Variants in MPP7 observed in about 807,000 individuals in gnomAD.
MPP7 encodes MAGUK p55 subfamily member 7.
A neutral mutation model predicts 76.5 loss-of-function variants in MPP7; 60 were observed. That is an observed-to-expected ratio of 0.78 (90% CI 0.64 to 0.97). The LOEUF (loss-of-function observed/expected upper bound fraction) is 0.97. Ranked by LOEUF, MPP7 falls within the 50% of genes least tolerant of loss-of-function variation. The probability of loss-of-function intolerance (pLI) is 0.00; values close to 1 mark genes in which losing one functional copy is unlikely to be tolerated. For missense variants in MPP7, 641 were observed against 694.0 expected (o/e 0.92, Z 0.86); for synonymous variants, 237 against 244.5 (o/e 0.97, Z 0.29).
chr10:28,301,495 T>C (rs969621436), intron 1 of MPP7, among the ~76,000 whole-genome samples: 1 of 152,216 alleles, frequency 6.6e-6, no homozygotes, highest in Non-Finnish European at 1.5e-5. Flanking sequence ...ATTTCTTTAC[T>C]TGAAAATAAC....
In MPP7 at chr10:28,056,033, C is replaced by T. The variant is rs538743548; in HGVS notation, c.1551+447G>A. ...TGTATATATGTTTTCATATATACAACTGTATCTTACATCTTATCTACTGCT... is the reference window on the plus strand; with the variant it reads ...TGTATATATGTTTTCATATATACAATTGTATCTTACATCTTATCTACTGCT... On this transcript the variant is annotated intron_variant, in intron 16 of 16. Coordinates refer to ENST00000683449, the MANE Select transcript of MPP7 (RefSeq NM_001318170.2). Among the ~76,000 whole-genome samples the T allele has an allele frequency of 7.2e-5, 11 of 152,292 alleles. No individual in the cohort carries two copies. In the South Asian group the frequency reaches 2.1e-3, roughly 29 times the overall value.
chr10:28,309,418 A>G (rs1441202236), intron 2 of MPP7, among the ~76,000 whole-genome samples: 1 of 151,670 alleles, frequency 6.6e-6, no homozygotes, highest in Non-Finnish European at 1.5e-5. Flanking sequence ...CATCTCAAAA[A>G]AAAAAAAAAA....
At chr10:28,058,764 T>A (rs1020220394) in intron 14 of MPP7, among the ~76,000 whole-genome samples, 161 bp from the exon 15 acceptor site, 13 of 152,234 alleles carry the variant, frequency 8.5e-5, no homozygotes, top group South Asian at 4.1e-4. Flanking sequence ...TGTCAGTTTT[T>A]AAAAAATCTT....
At chr10:28,151,464 A>G (rs1009376881) in intron 3 of MPP7, among the ~76,000 whole-genome samples, 2 of 152,226 alleles carry the variant, frequency 1.3e-5, no homozygotes, top group African/African-American at 4.8e-5. Context: ...ATCTCAACAT[A>G]TAGTATCACA....
intron 2 of MPP7, among the ~76,000 whole-genome samples, chr10:28,216,770 G>C (rs1277555985): frequency 6.6e-6 from 1 of 152,138 alleles, no homozygotes. Context: ...TATTCGATCT[G>C]TCTGGATCTC....
chr10:28,071,524 A>G (rs769650311), intron 12 of MPP7, among the ~76,000 whole-genome samples: 2 of 152,176 alleles, frequency 1.3e-5, no homozygotes, highest in Non-Finnish European at 2.9e-5. Flanking sequence ...TCTCCCTCTT[A>G]TAATAAATAT....
At chr10:28,130,831 G>A (rs2997200) in intron 6 of MPP7, among the ~76,000 whole-genome samples, 103,742 of 151,972 alleles carry the variant, frequency 0.68, 36,507 homozygotes, top group Middle Eastern at 0.78. Flanking sequence ...CAATAATTGC[G>A]AAGATAATAC....
chr10:28,216,011 T>G (rs947604685), intron 2 of MPP7, among the ~76,000 whole-genome samples: 1 of 151,984 alleles, frequency 6.6e-6, no homozygotes, highest in African/African-American at 2.4e-5. Flanking sequence ...ACAGACCCCA[T>G]GTATTGGGTA....
chr10:28,206,791 A>G (rs1261097711), intron 2 of MPP7, among the ~76,000 whole-genome samples: 1 of 152,174 alleles, frequency 6.6e-6, no homozygotes, highest in East Asian at 1.9e-4. Context: ...CTGTAACTGT[A>G]TAGTTTTTAT....
At chr10:28,234,511 AG>A (rs1183592328) in intron 2 of MPP7, among the ~76,000 whole-genome samples, 4 of 152,206 alleles carry the variant, frequency 2.6e-5, no homozygotes, top group Non-Finnish European at 4.4e-5. Context: ...TGAAAAAAAG[AG>A]TAATCTTACA....
intron 1 of MPP7, among the ~76,000 whole-genome samples, chr10:28,270,000 C>A (rs1840269959): frequency 6.6e-6 from 1 of 152,196 alleles, no homozygotes; most frequent in Admixed American, 6.5e-5. Context: ...TTAAAAACAG[C>A]AACATGGCCG....
At chr10:28,102,173 G>T (rs1382492099) in intron 11 of MPP7, among the ~76,000 whole-genome samples, 1 of 151,952 alleles carries the variant, frequency 6.6e-6, no homozygotes, top group African/African-American at 2.4e-5. Flanking sequence ...TAAGAGATAG[G>T]GTTTTGCTCT....
In MPP7 at chr10:28,058,599, T is replaced by C. The variant is rs995517429; in HGVS notation, c.1303A>G (p.Ile435Val). ...FETDVQNNKF[I>V]EYGEYKNNYY... Reference sequence around the variant, plus strand: ...TTGTTTTTATATTCTCCATATTCAATAAACCTGTAAAAAATTAAATGCATT... The same window carrying C: ...TTGTTTTTATATTCTCCATATTCAACAAACCTGTAAAAAATTAAATGCATT... The change falls in exon 15 of 17, where the codon ATT (isoleucine) becomes GTT (valine). Residue 435 changes from isoleucine (I) to valine (V), a missense_variant. Ile to Val is a conservative substitution (Grantham distance 29). Coordinates refer to ENST00000683449, the MANE Select transcript of MPP7 (RefSeq NM_001318170.2). The C allele has an allele frequency of 5.8e-6, 9 of 1,542,470 alleles. No individual in the cohort carries two copies. Among genetic ancestry groups the C allele is most frequent in the Admixed American group, 1.8e-5 (1 of 54,966 alleles).
At chr10:28,057,542 G>T in intron 15 of MPP7, 1 of 239,034 alleles carries the variant, frequency 4.2e-6, no homozygotes, top group Non-Finnish European at 6.7e-6. Context: ...CCTCCCCAGA[G>T]CTGAGCAGAT....
intron 2 of MPP7, among the ~76,000 whole-genome samples, chr10:28,233,655 T>A (rs1838966638): frequency 6.6e-6 from 1 of 151,354 alleles, no homozygotes; most frequent in South Asian, 2.1e-4. Flanking sequence ...GAGGCGGAAC[T>A]TGCAATGAGC....
At chr10:28,237,798 G>GC (rs1839127331) in intron 2 of MPP7, among the ~76,000 whole-genome samples, 2 of 152,004 alleles carry the variant, frequency 1.3e-5, no homozygotes, top group Non-Finnish European at 2.9e-5. Flanking sequence ...ATGACATAAG[G>GC]CCCCCAACCC....
At chr10:28,287,226 T>C (rs779044913) in intron 1 of MPP7, among the ~76,000 whole-genome samples, 11 of 151,976 alleles carry the variant, frequency 7.2e-5, no homozygotes, top group East Asian at 1.9e-4. Context: ...CTTGGAAAAA[T>C]TGTATCTGCC....
At position 28,326,517 on chromosome 10, in the gene MPP7, A is replaced by G. The variant is rs1189726688; in HGVS notation, c.-132+3412T>C. On this transcript the variant is annotated intron_variant, in intron 2 of 11. Coordinates refer to the MPP7 transcript ENST00000441595. ...GTCAATGCTCCGGGCTCAATTTTAA[A>G]AAGAAAAAGACAAACAAGGAAGTCC... is the stretch of plus-strand genomic sequence containing the variant. Among the ~76,000 whole-genome samples the G allele has an allele frequency of 2.0e-5, 3 of 152,214 alleles. No homozygotes were observed. The East Asian group carries it at 5.8e-4, about 29-fold the overall frequency.
intron 13 of MPP7, among the ~76,000 whole-genome samples, chr10:28,063,084 G>A (rs1243195476): frequency 6.6e-6 from 1 of 151,842 alleles, no homozygotes; most frequent in East Asian, 1.9e-4. Context: ...GAAAATATGT[G>A]TAACACATTT....
Sources: allele counts gnomAD v4.1 joint callset (sites outside exome capture counted in the v4.1 genomes callset), GRCh38; gene constraint gnomAD v4.1.1; transcripts MANE v1.5; gene names NCBI Gene and HGNC (gene_info 2026-07-23, HGNC 2026-07-21).